The following BMPR1B variants were observed in gnomAD, a reference collection of about 807,000 sequenced individuals.
BMPR1B encodes the protein bone morphogenetic protein receptor type 1B.
A neutral mutation model predicts 59.1 loss-of-function variants in BMPR1B; 12 were observed. The ratio of observed to expected loss-of-function variants is 0.20; its 90% CI spans 0.13 to 0.33. BMPR1B has a LOEUF of 0.33. Ranked by LOEUF, BMPR1B falls within the 10% of genes least tolerant of loss-of-function variation. The pLI is 1.00. For missense variants in BMPR1B, 550 were observed against 610.9 expected (o/e 0.90, Z 1.05); for synonymous variants, 237 against 207.3 (o/e 1.14, Z -1.23).
intron 3 of BMPR1B, among the ~76,000 whole-genome samples, chr4:95,045,443 C>A (rs1268152212): frequency 6.6e-6 from 1 of 152,150 alleles, no homozygotes; most frequent in Non-Finnish European, 1.5e-5. Flanking sequence ...CCTAACCTCC[C>A]CAGTCTACTT....
intron 3 of BMPR1B, among the ~76,000 whole-genome samples, chr4:95,047,459 G>T (rs1042016440): frequency 6.6e-6 from 1 of 152,174 alleles, no homozygotes; most frequent in African/African-American, 2.4e-5. Context: ...CTGGGGTGTT[G>T]AGGAGGTAGA....
chr4:95,110,262 C>T (rs1286289396), intron 4 of BMPR1B, among the ~76,000 whole-genome samples: 4 of 151,842 alleles, frequency 2.6e-5, no homozygotes, highest in Admixed American at 1.3e-4. Flanking sequence ...GGTGAGGGTC[C>T]GCATTGGGTG....
intron 3 of BMPR1B, among the ~76,000 whole-genome samples, chr4:95,050,984 G>T (rs1027493735): frequency 1.3e-5 from 2 of 152,132 alleles, no homozygotes; most frequent in African/African-American, 4.8e-5. Flanking sequence ...ACTTGCAATG[G>T]TTTTATTTAT....
At chr4:95,019,785 G>A (rs1229615399) in intron 3 of BMPR1B, among the ~76,000 whole-genome samples, 1 of 152,062 alleles carries the variant, frequency 6.6e-6, no homozygotes, top group African/African-American at 2.4e-5. Context: ...ATAAGACTTG[G>A]TCCATGTTCA....
At chr4:94,769,907 T>C (rs569546178) in intron 1 of BMPR1B, among the ~76,000 whole-genome samples, 1 of 152,298 alleles carries the variant, frequency 6.6e-6, no homozygotes, top group Admixed American at 6.5e-5. Context: ...ATTTGGAAAG[T>C]GATTAGATTT....
rs1229155785 is a variant in BMPR1B at position 95,158,361 on chromosome 4, AATTGT to A, written c.*3697_*3701del. On this transcript the variant is annotated 3_prime_UTR_variant, in exon 13 of 13. Transcript: ENST00000515059. ...AATTATTCAGGACTAGGGAACAAAC[AATTGT>A]ATTGTATTTGTTACAGATTGTATAT... The A allele has an allele frequency of 1.4e-4, 21 of 152,294 alleles. No homozygotes were observed. The highest frequency in any genetic ancestry group is 3.6e-4 in the African/African-American group (15 of 41,566). 9.4% of individuals were successfully genotyped at this position (152,294 alleles called of 1,614,324 possible).
chr4:94,791,798 T>C (rs1057198612), intron 1 of BMPR1B, among the ~76,000 whole-genome samples: 7 of 152,128 alleles, frequency 4.6e-5, no homozygotes, highest in Non-Finnish European at 8.8e-5. Context: ...TTTCCCTCTT[T>C]CTTCCTTACG....
At chr4:95,108,738 CT>C (rs1216309861) in intron 4 of BMPR1B, among the ~76,000 whole-genome samples, 7 of 151,950 alleles carry the variant, frequency 4.6e-5, no homozygotes, top group Non-Finnish European at 8.8e-5. Context: ...GTAATAGAGC[CT>C]TTTTTATATT....
At chr4:94,868,362 G>A (rs190754015) in intron 1 of BMPR1B, among the ~76,000 whole-genome samples, 214 of 152,034 alleles carry the variant, frequency 1.4e-3, no homozygotes, top group African/African-American at 4.9e-3. Context: ...AGTAGAGACG[G>A]GATTTCACCA....
chr4:95,008,294 G>T (rs530893206), intron 3 of BMPR1B, among the ~76,000 whole-genome samples: 1 of 152,122 alleles, frequency 6.6e-6, no homozygotes, highest in Non-Finnish European at 1.5e-5. Context: ...TTGTCACCTC[G>T]ATTTTCTTTT....
At chr4:95,046,004 A>G (rs138109387) in intron 3 of BMPR1B, among the ~76,000 whole-genome samples, 1,911 of 152,328 alleles carry the variant, frequency 0.013, 12 homozygotes, top group Non-Finnish European at 0.019. Context: ...TCTACTTCAA[A>G]TGCATGAATA....
At chr4:95,096,745 CTATATATAGTTATATATAACTATG>C (rs1730410439) in intron 3 of BMPR1B, among the ~76,000 whole-genome samples, 3 of 16,840 alleles carry the variant, frequency 1.8e-4, no homozygotes, top group African/African-American at 2.7e-4. Context: ...TTATATATAA[CTATATATAGTTATATATAACTATG>C]TATAGTTATA....
chr4:94,789,055 A>G lies in BMPR1B; in HGVS notation c.-183+30987A>G, dbSNP rs140673920. On this transcript the variant is annotated intron_variant, in intron 1 of 12. Coordinates refer to ENST00000515059, the MANE Select transcript of BMPR1B (RefSeq NM_001203.3). Reference sequence around the variant, plus strand: ...AGCTCCAGTGCCCAGGTACCCCTGGATGGATTGGCTGTGTCTTAGAAGCTT... The same window carrying G: ...AGCTCCAGTGCCCAGGTACCCCTGGGTGGATTGGCTGTGTCTTAGAAGCTT... Among the ~76,000 whole-genome samples, 247 of 152,304 alleles carry G rather than the reference A, an allele frequency of 1.6e-3. 1 individual carries two copies. Among genetic ancestry groups the G allele is most frequent in the Non-Finnish European group, 2.2e-3 (151 of 68,030 alleles).
chr4:95,022,818 T>A (rs1578943833), intron 3 of BMPR1B, among the ~76,000 whole-genome samples: 1 of 152,126 alleles, frequency 6.6e-6, no homozygotes, highest in African/African-American at 2.4e-5. Context: ...CTACTACTGC[T>A]AATTTAAAGG....
At position 95,052,274 on chromosome 4, in the gene BMPR1B, A is replaced by G. The variant is rs554754613; in HGVS notation, c.-17-52134A>G. On this transcript the variant is annotated intron_variant, in intron 3 of 12. Coordinates refer to ENST00000515059, the MANE Select transcript of BMPR1B (RefSeq NM_001203.3). ...CTATGTCAAATGTTTATTCACCTTT[A>G]AGAACAGGGGCTTGCTTTGTGATAA... 1.8e-3 allele frequency among the ~76,000 whole-genome samples: 273 copies of G among 152,320 alleles called. 1 individual carries two copies. Among genetic ancestry groups the G allele is most frequent in the African/African-American group, 6.4e-3 (266 of 41,564 alleles).
chr4:94,881,498 C>T (rs1258299029), intron 2 of BMPR1B, among the ~76,000 whole-genome samples: 1 of 151,450 alleles, frequency 6.6e-6, no homozygotes, highest in African/African-American at 2.4e-5. Flanking sequence ...TTGCAATCCA[C>T]TCTGTCACCC....
chr4:95,118,297 G>A (rs1221263537), intron 6 of BMPR1B, among the ~76,000 whole-genome samples: 1 of 152,038 alleles, frequency 6.6e-6, no homozygotes, highest in South Asian at 2.1e-4. Flanking sequence ...TTTTTACATA[G>A]CTATACCACA....
At chr4:94,849,925 T>C (rs1049998149) in intron 1 of BMPR1B, among the ~76,000 whole-genome samples, 1 of 152,108 alleles carries the variant, frequency 6.6e-6, no homozygotes. Context: ...GACCAGCTGT[T>C]GCCTGTGCTA....
chr4:94,811,168 T>C (rs1017294928), intron 1 of BMPR1B, among the ~76,000 whole-genome samples: 9 of 152,168 alleles, frequency 5.9e-5, no homozygotes, highest in African/African-American at 2.2e-4. Flanking sequence ...GAAATAGAAG[T>C]TTATTTCTCA....
Sources: allele counts gnomAD v4.1 joint callset (sites outside exome capture counted in the v4.1 genomes callset), GRCh38; gene constraint gnomAD v4.1.1; transcripts MANE v1.5; gene names NCBI Gene and HGNC (gene_info 2026-07-23, HGNC 2026-07-21).